Variants in FHIT observed in about 807,000 individuals in gnomAD.
FHIT encodes the protein bis(5'-adenosyl)-triphosphatase.
FHIT carries 19 observed loss-of-function variants against 17.9 expected under a neutral mutation model. That is an observed-to-expected ratio of 1.06 (90% CI 0.74 to 1.56). FHIT has a LOEUF of 1.56. Among genes scored for constraint, FHIT ranks in the 40% most tolerant of loss-of-function variants. The pLI is 0.00. For synonymous variants in FHIT, 81 were observed against 69.7 expected, an observed-to-expected ratio of 1.16 and a Z score of -0.81; for missense variants, 248 against 189.2, an observed-to-expected ratio of 1.31 and a Z score of -1.82.
chr3:60,439,766 T>G (rs528943634), intron 5 of FHIT, among the ~76,000 whole-genome samples: 1 of 152,098 alleles, frequency 6.6e-6, no homozygotes, highest in African/African-American at 2.4e-5. Flanking sequence ...AGTGCAGGCA[T>G]ATATCATTTT....
chr3:60,955,635 C>CATATATATATATAT (rs1553778580), intron 3 of FHIT, among the ~76,000 whole-genome samples: 1 of 48,346 alleles, frequency 2.1e-5, no homozygotes, highest in Non-Finnish European at 4.4e-5. Context: ...TATATATATA[C>CATATATATATATAT]ACACACACAC....
At chr3:59,834,290 C>T (rs942056892) in intron 8 of FHIT, among the ~76,000 whole-genome samples, 1 of 152,100 alleles carries the variant, frequency 6.6e-6, no homozygotes, top group Middle Eastern at 3.4e-3. Context: ...GAGAGTTAAA[C>T]GAGGTAGTGG....
intron 3 of FHIT, among the ~76,000 whole-genome samples, chr3:60,949,239 G>A (rs80160787): frequency 0.019 from 2,891 of 152,198 alleles, 83 homozygotes; most frequent in African/African-American, 0.061. Context: ...GTGGCAGGAG[G>A]GGAGCATGTG....
At chr3:60,536,096 C>A (rs2035970867) in intron 5 of FHIT, 1 of 152,108 alleles carries the variant, frequency 6.6e-6, no homozygotes, top group African/African-American at 2.4e-5. Flanking sequence ...AGAGTCCGTA[C>A]AAAATTCATA....
chr3:60,207,889 A>G (rs1310643579), intron 5 of FHIT, among the ~76,000 whole-genome samples: 1 of 152,134 alleles, frequency 6.6e-6, no homozygotes, highest in Admixed American at 6.6e-5. Context: ...ATAAATTTGA[A>G]ATTTTCTTCA....
rs114473615 is a variant in FHIT at position 60,901,227 on chromosome 3, T to C, written c.-110-79216A>G. Among the ~76,000 whole-genome samples the C allele has an allele frequency of 4.6e-3, 703 of 152,330 alleles. 6 individuals are homozygous for C. Among genetic ancestry groups the C allele is most frequent in the African/African-American group, 0.016 (655 of 41,570 alleles). On this transcript the variant is annotated intron_variant, in intron 3 of 9. Coordinates refer to ENST00000492590, the MANE Select transcript of FHIT (RefSeq NM_002012.4). The stretch of plus-strand genomic sequence containing the variant: ...ATTTAAAACTTCAATGTTTTGTTCA[T>C]CATGGATTTTTCTGGCATTTATTTG...
At chr3:59,828,444 T>C (rs556041648) in intron 8 of FHIT, among the ~76,000 whole-genome samples, 2 of 152,326 alleles carry the variant, frequency 1.3e-5, no homozygotes, top group African/African-American at 4.8e-5. Flanking sequence ...TATCTCTTAG[T>C]CATTGACAAC....
chr3:60,557,556 C>A (rs916148728), intron 4 of FHIT, among the ~76,000 whole-genome samples: 1 of 151,760 alleles, frequency 6.6e-6, no homozygotes, highest in Non-Finnish European at 1.5e-5. Flanking sequence ...CGGGGTCAAG[C>A]AGACAGGCCA....
At chr3:60,923,738 C>A (rs1707413647) in intron 3 of FHIT, among the ~76,000 whole-genome samples, 1 of 152,070 alleles carries the variant, frequency 6.6e-6, no homozygotes, top group African/African-American at 2.4e-5. Flanking sequence ...GCACACTGAG[C>A]ATGAGCCAAA....
intron 2 of FHIT, among the ~76,000 whole-genome samples, chr3:61,094,626 T>C (rs2035583655): frequency 6.6e-6 from 1 of 152,154 alleles, no homozygotes. Flanking sequence ...AGTAAGATAT[T>C]GACAATGATA....
intron 1 of FHIT, among the ~76,000 whole-genome samples, chr3:61,212,377 C>T (rs1260827224): frequency 6.6e-6 from 1 of 151,992 alleles, no homozygotes; most frequent in African/African-American, 2.4e-5. Flanking sequence ...GGAGCCGATG[C>T]GATCAACTGG....
chr3:60,745,538 CT>C (rs1371035345), intron 4 of FHIT, among the ~76,000 whole-genome samples: 2 of 152,076 alleles, frequency 1.3e-5, no homozygotes, highest in East Asian at 3.9e-4. Context: ...CAGATTTACG[CT>C]TTGAAAAAAT....
chr3:61,135,924 A>C (rs2036902931), intron 2 of FHIT, among the ~76,000 whole-genome samples: 1 of 152,186 alleles, frequency 6.6e-6, no homozygotes, highest in South Asian at 2.1e-4. Flanking sequence ...GAAAAACTAA[A>C]AGCATCTAAA....
At chr3:59,986,731 A>AAT (rs1177602281) in intron 7 of FHIT, among the ~76,000 whole-genome samples, 9 of 6,102 alleles carry the variant, frequency 1.5e-3, no homozygotes, top group Admixed American at 5.4e-3. Flanking sequence ...TATTTATATA[A>AAT]ATATATACAT....
intron 3 of FHIT, among the ~76,000 whole-genome samples, chr3:60,868,587 C>T (rs1405964683): frequency 6.6e-6 from 1 of 152,072 alleles, no homozygotes; most frequent in Non-Finnish European, 1.5e-5. Context: ...TTATATTTTC[C>T]AATCAATTCA....
chr3:60,975,032 A>C (rs540675225), intron 3 of FHIT, among the ~76,000 whole-genome samples: 4 of 152,136 alleles, frequency 2.6e-5, no homozygotes, highest in Admixed American at 2.6e-4. Flanking sequence ...ATGGTTACTG[A>C]TGGTAGCTGT....
chr3:60,437,538 C>A (rs1480909819), intron 5 of FHIT, among the ~76,000 whole-genome samples: 8 of 152,080 alleles, frequency 5.3e-5, no homozygotes, highest in Admixed American at 5.2e-4. Flanking sequence ...ACATCCTATG[C>A]ACTGTGCTCA....
chr3:59,936,599 C>T (rs1450276380), intron 7 of FHIT, among the ~76,000 whole-genome samples: 6 of 152,084 alleles, frequency 3.9e-5, no homozygotes, highest in African/African-American at 1.4e-4. Context: ...ACTTAATGAG[C>T]ATCATTTCCA....
At chr3:60,333,474 CT>C (rs1422203695) in intron 5 of FHIT, among the ~76,000 whole-genome samples, 10 of 3,588 alleles carry the variant, frequency 2.8e-3, no homozygotes, top group African/African-American at 5.3e-3. Flanking sequence ...CATATTTGAA[CT>C]GTTTTTTTTT....
Sources: allele counts gnomAD v4.1 joint callset (sites outside exome capture counted in the v4.1 genomes callset), GRCh38; gene constraint gnomAD v4.1.1; transcripts MANE v1.5; gene names NCBI Gene and HGNC (gene_info 2026-07-23, HGNC 2026-07-21).